Variants in KIAA1217 observed in about 807,000 individuals in gnomAD.
The protein encoded by KIAA1217 is sickle tail protein homolog.
Under a neutral mutation model 163.9 loss-of-function variants are expected in KIAA1217, and 88 were observed. That is an observed-to-expected ratio of 0.54 (90% CI 0.45 to 0.64). The LOEUF is 0.64. Ranked by LOEUF, KIAA1217 falls within the 30% of genes least tolerant of loss-of-function variation. The pLI is 0.00. For missense variants in KIAA1217, 2,372 were observed against 2,475.0 expected (o/e 0.96, Z 0.88); for synonymous variants, 903 against 923.1 (o/e 0.98, Z 0.39).
At chr10:24,344,565 G>T (rs1201124263) in intron 2 of KIAA1217, among the ~76,000 whole-genome samples, 1 of 152,194 alleles carries the variant, frequency 6.6e-6, no homozygotes, top group Non-Finnish European at 1.5e-5. Context: ...CCTTCCATGA[G>T]TTAATAATGT....
chr10:23,795,674 G>A (rs1836165375), intron 1 of KIAA1217, among the ~76,000 whole-genome samples: 1 of 152,160 alleles, frequency 6.6e-6, no homozygotes, highest in Non-Finnish European at 1.5e-5. Flanking sequence ...GCAGAAGGAA[G>A]TTCTCAGGTT....
intron 3 of KIAA1217, among the ~76,000 whole-genome samples, chr10:24,408,890 CAT>C (rs148948626): frequency 0.045 from 6,865 of 152,300 alleles, 216 homozygotes; most frequent in South Asian, 0.11. Context: ...CTTAAACTGA[CAT>C]ATGACCTGTC....
At chr10:24,237,386 T>G (rs1319961949) in intron 2 of KIAA1217, among the ~76,000 whole-genome samples, 1 of 152,246 alleles carries the variant, frequency 6.6e-6, no homozygotes, top group Admixed American at 6.5e-5. Flanking sequence ...GCCTGTCCAC[T>G]GAGGAAACGG....
chr10:23,737,471 G>A (rs1388437055), intron 1 of KIAA1217, among the ~76,000 whole-genome samples: 1 of 152,064 alleles, frequency 6.6e-6, no homozygotes, highest in Admixed American at 6.6e-5. Flanking sequence ...GGGATTACAG[G>A]TGTGAGTCAC....
chr10:23,812,090 G>A (rs80356209), intron 1 of KIAA1217, among the ~76,000 whole-genome samples: 12,442 of 151,800 alleles, frequency 0.082, 1,608 homozygotes, highest in African/African-American at 0.28. Flanking sequence ...GTCTCAAAAC[G>A]AAAACAAACA....
chr10:24,003,667 C>G (rs1210677270), intron 1 of KIAA1217, among the ~76,000 whole-genome samples: 4 of 152,172 alleles, frequency 2.6e-5, no homozygotes, highest in Non-Finnish European at 5.9e-5. Context: ...GTGGGTTTCA[C>G]AACTGCTTTT....
At chr10:24,081,417 C>A (rs1016500083) in intron 2 of KIAA1217, among the ~76,000 whole-genome samples, 3 of 152,134 alleles carry the variant, frequency 2.0e-5, no homozygotes, top group Non-Finnish European at 4.4e-5. Flanking sequence ...TGGGATGAGA[C>A]AGGTGGGCAC....
At chr10:24,279,392 T>C (rs1453465827) in intron 2 of KIAA1217, among the ~76,000 whole-genome samples, 1 of 152,170 alleles carries the variant, frequency 6.6e-6, no homozygotes, top group Admixed American at 6.5e-5. Flanking sequence ...GACTCAGTCA[T>C]AACTATCTTT....
chr10:23,926,009 C>A (rs1843004397), intron 1 of KIAA1217, among the ~76,000 whole-genome samples: 1 of 152,148 alleles, frequency 6.6e-6, no homozygotes. Flanking sequence ...CATACTTACC[C>A]ACACCCCATC....
intron 6 of KIAA1217, among the ~76,000 whole-genome samples, chr10:24,493,296 C>A (rs183655246): frequency 1.3e-5 from 2 of 152,324 alleles, no homozygotes; most frequent in Admixed American, 1.3e-4. Context: ...GAGTGAGGTC[C>A]CCTCTCTTAT....
At chr10:23,947,178 T>TA (rs1441857145) in intron 1 of KIAA1217, among the ~76,000 whole-genome samples, 1 of 152,196 alleles carries the variant, frequency 6.6e-6, no homozygotes, top group African/African-American at 2.4e-5. Context: ...GAGTCTCAGG[T>TA]ATGTCTTTAT....
chr10:24,389,240 T>C (rs1363918068), intron 3 of KIAA1217, among the ~76,000 whole-genome samples: 1 of 152,194 alleles, frequency 6.6e-6, no homozygotes, highest in Non-Finnish European at 1.5e-5. Flanking sequence ...GATGAGTTCA[T>C]GTCCTTTGTA....
At chr10:24,313,083 TA>T (rs1391785228) in intron 2 of KIAA1217, among the ~76,000 whole-genome samples, 1 of 152,204 alleles carries the variant, frequency 6.6e-6, no homozygotes, top group Non-Finnish European at 1.5e-5. Context: ...AAGATACTTT[TA>T]TTTAATAAGA....
intron 2 of KIAA1217, among the ~76,000 whole-genome samples, chr10:24,032,794 A>G (rs1009854529): frequency 1.3e-5 from 2 of 152,182 alleles, no homozygotes; most frequent in Admixed American, 6.5e-5. Context: ...TATACGTTCA[A>G]TAATATCTCT....
chr10:24,306,035 A>G (rs749031952), intron 2 of KIAA1217, among the ~76,000 whole-genome samples: 1 of 152,186 alleles, frequency 6.6e-6, no homozygotes, highest in Non-Finnish European at 1.5e-5. Context: ...GAAGAGAGTT[A>G]TATTCAAATT....
chr10:23,995,450 CTG>C (rs58865993), intron 1 of KIAA1217, among the ~76,000 whole-genome samples: 76,676 of 147,516 alleles, frequency 0.52, 20,727 homozygotes, highest in East Asian at 0.85. Context: ...CAATTATGGC[CTG>C]TGTGTGTGTG....
chr10:23,937,037 C>G (rs945565161), intron 1 of KIAA1217, among the ~76,000 whole-genome samples: 1 of 152,018 alleles, frequency 6.6e-6, no homozygotes, highest in Non-Finnish European at 1.5e-5. Context: ...TGCCATGATG[C>G]CTAATTTTTG....
chr10:23,766,481 C>T (rs1834519981), intron 1 of KIAA1217, among the ~76,000 whole-genome samples: 1 of 151,872 alleles, frequency 6.6e-6, no homozygotes, highest in African/African-American at 2.4e-5. Flanking sequence ...TCATTTGACT[C>T]TGGAGCTGTT....
At chr10:23,803,585 A>C (rs1374219537) in intron 1 of KIAA1217, among the ~76,000 whole-genome samples, 1 of 152,150 alleles carries the variant, frequency 6.6e-6, no homozygotes, top group African/African-American at 2.4e-5. Context: ...TCCTGCTCCC[A>C]AGGCACTCCC....
Sources: gnomAD v4.1 joint callset for allele counts (sites outside exome capture counted in the v4.1 genomes callset) on GRCh38, gnomAD v4.1.1 for gene constraint, MANE v1.5 for transcripts, NCBI Gene and HGNC (gene_info 2026-07-23, HGNC 2026-07-21) for gene names.